The following PARL variants were observed in gnomAD, a reference collection of about 807,000 sequenced individuals.
PARL encodes presenilin associated rhomboid like.
PARL carries 44 observed loss-of-function variants against 51.6 expected under a neutral mutation model. That is an observed-to-expected ratio of 0.85 (90% CI 0.67 to 1.10). The LOEUF is 1.10. Ranked by LOEUF, PARL falls within the 50% of genes least tolerant of loss-of-function variation. The probability of loss-of-function intolerance (pLI) is 0.00; values close to 1 mark genes in which losing one functional copy is unlikely to be tolerated. For synonymous variants in PARL, 172 were observed against 164.0 expected (o/e 1.05, Z -0.37); for missense variants, 441 against 469.5 (o/e 0.94, Z 0.56).
rs149854539 is a variant in PARL at position 183,838,270 on chromosome 3, T to C, written c.828+2300A>G. Among the ~76,000 whole-genome samples, 13 of 152,262 alleles carry C rather than the reference T, an allele frequency of 8.5e-5. No individual in the cohort carries two copies. In the East Asian group the frequency reaches 2.5e-3, roughly 30 times the overall value. On this transcript the variant is annotated intron_variant, in intron 7 of 9. Transcript: ENST00000317096. ...TCAAACCTCCTGGGCTCAAGTGATCTTCCTGCCGTGGCTCCCAAAGTGTTG... is the reference window on the plus strand; with the variant it reads ...TCAAACCTCCTGGGCTCAAGTGATCCTCCTGCCGTGGCTCCCAAAGTGTTG...
chr3:183,862,979 A>G (rs1309465931), intron 3 of PARL, among the ~76,000 whole-genome samples, 178 bp from the exon 4 acceptor site: 1 of 152,254 alleles, frequency 6.6e-6, no homozygotes, highest in African/African-American at 2.4e-5. Context: ...ATAGTCAGGC[A>G]GCCCACATTC....
downstream of PARL, among the ~76,000 whole-genome samples, chr3:183,828,309 T>C (rs1727574396): frequency 6.6e-6 from 1 of 152,252 alleles, no homozygotes; most frequent in African/African-American, 2.4e-5. Flanking sequence ...CCCTATGAAC[T>C]CAGCCTCCTA....
intron 4 of PARL, among the ~76,000 whole-genome samples, chr3:183,848,902 G>A (rs1730258818): frequency 6.6e-6 from 1 of 152,066 alleles, no homozygotes; most frequent in Non-Finnish European, 1.5e-5. Context: ...ACTCTACAAG[G>A]CCACATGCAT....
intron 1 of PARL, among the ~76,000 whole-genome samples, chr3:183,880,334 A>C (rs1222404283): frequency 6.6e-6 from 1 of 152,036 alleles, no homozygotes; most frequent in Non-Finnish European, 1.5e-5. Flanking sequence ...GGAAGCAATC[A>C]AATGTGCTCA....
chr3:183,866,491 T>A, intron 3 of PARL, 134 bp downstream of exon 3: 1 of 748,754 alleles, frequency 1.3e-6, no homozygotes, highest in Non-Finnish European at 2.4e-6. Context: ...AGGTGATAGA[T>A]ATTCAGTTCC....
intron 2 of PARL, among the ~76,000 whole-genome samples, chr3:183,867,318 T>C (rs1041767560): frequency 6.6e-6 from 1 of 152,190 alleles, no homozygotes; most frequent in East Asian, 1.9e-4. Flanking sequence ...TTAGCACCGC[T>C]TGAAATGCTG....
intron 4 of PARL, among the ~76,000 whole-genome samples, chr3:183,857,997 G>A (rs969125366): frequency 6.6e-6 from 1 of 152,200 alleles, no homozygotes; most frequent in African/African-American, 2.4e-5. Flanking sequence ...CAGTTACTTG[G>A]CCGTTCCTTG....
intron 4 of PARL, among the ~76,000 whole-genome samples, chr3:183,855,983 C>A (rs759969772): frequency 4.7e-4 from 68 of 145,726 alleles, no homozygotes; most frequent in Non-Finnish European, 6.9e-4. Flanking sequence ...AAAAAAAAAA[C>A]AAAAAAAACC....
At chr3:183,871,299 T>C (rs1214301991) in intron 1 of PARL, among the ~76,000 whole-genome samples, 1 of 152,072 alleles carries the variant, frequency 6.6e-6, no homozygotes, top group Non-Finnish European at 1.5e-5. Context: ...GGTGGTACTA[T>C]ATTCAAAGTA....
chr3:183,874,096 C>T (rs1002718060), intron 1 of PARL, among the ~76,000 whole-genome samples: 5 of 152,192 alleles, frequency 3.3e-5, no homozygotes, highest in Non-Finnish European at 7.3e-5. Context: ...GGCTCTGTGT[C>T]ACATTTCCGT....
intron 9 of PARL, among the ~76,000 whole-genome samples, chr3:183,832,239 GAC>G (rs1260666645): frequency 2.0e-5 from 3 of 147,384 alleles, no homozygotes; most frequent in Admixed American, 6.8e-5. Context: ...TTTTTTTTGA[GAC>G]AGAGTCTCAC....
intron 9 of PARL, among the ~76,000 whole-genome samples, chr3:183,832,357 T>C (rs1252636070): frequency 7.9e-5 from 12 of 152,014 alleles, no homozygotes; most frequent in Admixed American, 7.9e-4. Flanking sequence ...TAGCTGGGAC[T>C]ACAGGCGCCC....
intron 1 of PARL, among the ~76,000 whole-genome samples, chr3:183,880,877 G>A (rs1734358768): frequency 2.0e-5 from 3 of 151,944 alleles, no homozygotes; most frequent in African/African-American, 7.3e-5. Flanking sequence ...GGACAGTGGC[G>A]CCCTCATAGC....
At chr3:183,857,498 T>C (rs1233943862) in intron 4 of PARL, among the ~76,000 whole-genome samples, 2 of 152,190 alleles carry the variant, frequency 1.3e-5, no homozygotes, top group African/African-American at 4.8e-5. Context: ...CAGAAGAGTA[T>C]GTACTGCATG....
At chr3:183,879,596 T>G in intron 1 of PARL, 1 of 246,634 alleles carries the variant, frequency 4.1e-6, no homozygotes, top group Non-Finnish European at 6.5e-6. Flanking sequence ...ATTCCCCTAA[T>G]TGTTTAGGTC....
intron 9 of PARL, among the ~76,000 whole-genome samples, 189 bp from the exon 10 acceptor site, chr3:183,829,898 G>GTAAAA (rs1283904557): frequency 6.6e-6 from 1 of 152,180 alleles, no homozygotes; most frequent in Non-Finnish European, 1.5e-5. Context: ...GAAGTAGGAT[G>GTAAAA]GGACGATGGC....
intron 1 of PARL, among the ~76,000 whole-genome samples, chr3:183,872,173 T>A (rs1733295502): frequency 6.6e-6 from 1 of 152,106 alleles, no homozygotes; most frequent in South Asian, 2.1e-4. Flanking sequence ...GGCTAATTTT[T>A]TTGTATTTAG....
At position 183,833,730 on chromosome 3, in the gene PARL, T is replaced by C. The variant is rs1412421307; in HGVS notation, c.924A>G (p.Ala308=). ...ACTTCATAAAAATACTTACATTCCC[T>C]GCTGTGAACGTGAACATCGGAAGGA... The part of the protein sequence containing the change: ...IIFLPMFTFT[A]GNALKAIIAM... Residue 308 remains alanine (A), a synonymous_variant, in exon 8 of 10, where the codon GCA becomes GCG. Transcript: ENST00000317096. The C allele has an allele frequency of 6.2e-7, 1 of 1,600,760 alleles. No individual in the cohort carries two copies. Among genetic ancestry groups the C allele is most frequent in the South Asian group, 1.1e-5 (1 of 90,824 alleles).
At chr3:183,866,537 A>G in intron 3 of PARL, 88 bp downstream of exon 3, 1 of 1,025,748 alleles carries the variant, frequency 9.7e-7, no homozygotes, top group Non-Finnish European at 1.5e-6. Flanking sequence ...TGAATGCATC[A>G]TGTACACTGA....
Sources: gnomAD v4.1 joint callset for allele counts (sites outside exome capture counted in the v4.1 genomes callset) on GRCh38, gnomAD v4.1.1 for gene constraint, MANE v1.5 for transcripts, NCBI Gene and HGNC (gene_info 2026-07-23, HGNC 2026-07-21) for gene names.